ADAMTS20: variants seen among roughly 807,000 people sequenced by gnomAD.
The protein encoded by ADAMTS20 is ADAM metallopeptidase with thrombospondin type 1 motif 20.
In ADAMTS20, 225 loss-of-function variants were observed where a neutral mutation model predicts 260.1. The observed-to-expected ratio is 0.87, with a 90% confidence interval of 0.78 to 0.97. ADAMTS20 has a LOEUF of 0.97. Among genes scored for constraint, ADAMTS20 ranks in the 50% least tolerant of loss-of-function variants. The pLI is 0.00. For missense variants in ADAMTS20, 2,400 were observed against 2,337.7 expected, an observed-to-expected ratio of 1.03 and a Z score of -0.55; for synonymous variants, 802 against 769.5, an observed-to-expected ratio of 1.04 and a Z score of -0.70.
chr12:43,431,741 G>A (rs1344202345), intron 21 of ADAMTS20, among the ~76,000 whole-genome samples: 1 of 152,082 alleles, frequency 6.6e-6, no homozygotes, highest in Non-Finnish European at 1.5e-5. Context: ...CTTAGAATAA[G>A]TATTCATCCC....
chr12:43,432,857 T>C (rs1317777194), intron 19 of ADAMTS20, 46 bp from the exon 20 acceptor site: 4 of 1,478,964 alleles, frequency 2.7e-6, no homozygotes, highest in Non-Finnish European at 3.8e-6. Flanking sequence ...TTACATAATT[T>C]AAAAACAGAT....
At chr12:43,409,245 A>G (rs114921251) in intron 28 of ADAMTS20, among the ~76,000 whole-genome samples, 3,484 of 152,224 alleles carry the variant, frequency 0.023, 56 homozygotes, top group African/African-American at 0.033. Context: ...TATATAGTTT[A>G]AATATTGATA....
At chr12:43,468,508 A>C in intron 8 of ADAMTS20, 92 bp downstream of exon 8, 1 of 793,426 alleles carries the variant, frequency 1.3e-6, no homozygotes. Context: ...GAAGAAACAA[A>C]GGTACTAATT....
intron 7 of ADAMTS20, among the ~76,000 whole-genome samples, chr12:43,486,356 G>A (rs749332201): frequency 2.6e-5 from 4 of 152,054 alleles, no homozygotes; most frequent in Non-Finnish European, 5.9e-5. Context: ...AAATGGTGGT[G>A]GGAAAGTTGG....
chr12:43,362,681 CA>C (rs1171496565), intron 37 of ADAMTS20, among the ~76,000 whole-genome samples: 1 of 151,958 alleles, frequency 6.6e-6, no homozygotes, highest in Non-Finnish European at 1.5e-5. Flanking sequence ...AACATTTATT[CA>C]AGAAAATCTT....
intron 11 of ADAMTS20, among the ~76,000 whole-genome samples, chr12:43,460,490 G>A (rs142956140): frequency 6.6e-6 from 1 of 152,140 alleles, no homozygotes; most frequent in East Asian, 1.9e-4. Flanking sequence ...TCCATTGCTG[G>A]GGGGAGTCTA....
rs1185871055 is a variant in ADAMTS20, at chr12:43,551,305, C to A, written c.92-35G>T. ...CAGCGACAGGACCAGTGAGCTCCCA[C>A]GCGTTCCTCATTGTCCAACTCTAAA... is the stretch of plus-strand genomic sequence containing the variant. On this transcript the variant is annotated intron_variant, in intron 1 of 38. Transcript: ENST00000389420. This position sits in a 1 kb window ranked among gnomAD's most constrained non-coding sequence, Gnocchi z 4.6. 6 of 1,589,024 alleles carry A rather than the reference C, an allele frequency of 3.8e-6. No individual in the cohort carries two copies. Among genetic ancestry groups the A allele is most frequent in the Non-Finnish European group, 5.1e-6 (6 of 1,165,656 alleles).
Position 43,453,856 on chromosome 12 carries a change from T to C in ADAMTS20, c.1760+51A>G, listed in dbSNP as rs1941914059. 3.9e-6 allele frequency: 6 copies of C among 1,548,366 alleles called. No homozygotes were observed. In the South Asian group the frequency reaches 6.0e-5, roughly 15 times the overall value. On this transcript the variant is annotated intron_variant, in intron 12 of 38. Coordinates refer to ENST00000389420, the MANE Select transcript of ADAMTS20 (RefSeq NM_025003.5). ...GAAGTGAGTGAAACTGATGTTTACT[T>C]TCTGGTGCCTTGAGATAATCTTAAT...
chr12:43,465,118 G>A (rs1364313667), intron 9 of ADAMTS20, among the ~76,000 whole-genome samples: 1 of 152,044 alleles, frequency 6.6e-6, no homozygotes, highest in African/African-American at 2.4e-5. Context: ...TAAAATGTTG[G>A]AAAAATAAGT....
At chr12:43,493,809 G>T (rs1460578048) in intron 4 of ADAMTS20, among the ~76,000 whole-genome samples, 1 of 152,068 alleles carries the variant, frequency 6.6e-6, no homozygotes, top group African/African-American at 2.4e-5. Flanking sequence ...TCCAAATATG[G>T]TTATTATTTT....
chr12:43,375,591 T>A, intron 35 of ADAMTS20, 79 bp from the exon 36 acceptor site: 1 of 1,435,046 alleles, frequency 7.0e-7, no homozygotes, highest in Admixed American at 1.9e-5. Context: ...AGTAGAAAAA[T>A]AAAACACACT....
At chr12:43,371,827 A>G (rs1940115128) in intron 36 of ADAMTS20, among the ~76,000 whole-genome samples, 1 of 152,176 alleles carries the variant, frequency 6.6e-6, no homozygotes, top group Admixed American at 6.5e-5. Context: ...GAAATGCACA[A>G]TTTTGTCCAT....
chr12:43,433,860 T>C, intron 19 of ADAMTS20: 1 of 427,326 alleles, frequency 2.3e-6, no homozygotes, highest in East Asian at 6.9e-5. Flanking sequence ...TCAATCAATT[T>C]GATTTCTCCA....
At chr12:43,377,157 A>T (rs976261988) in intron 32 of ADAMTS20, among the ~76,000 whole-genome samples, 1 of 152,212 alleles carries the variant, frequency 6.6e-6, no homozygotes, top group African/African-American at 2.4e-5. Flanking sequence ...AGAAATAAGT[A>T]TGAGTTATGG....
chr12:43,465,624 G>C (rs566939927), intron 9 of ADAMTS20, among the ~76,000 whole-genome samples: 3 of 151,906 alleles, frequency 2.0e-5, no homozygotes, highest in Non-Finnish European at 4.4e-5. Context: ...CCAATTAAAT[G>C]AACATGTAAG....
intron 28 of ADAMTS20, among the ~76,000 whole-genome samples, chr12:43,403,163 T>A (rs1176037149): frequency 2.0e-5 from 3 of 152,114 alleles, no homozygotes; most frequent in African/African-American, 7.2e-5. Context: ...AATAAGTATA[T>A]TTTTATTTTT....
At position 43,486,278 on chromosome 12, in the gene ADAMTS20, C is replaced by G. The variant is rs370853686; in HGVS notation, c.1117+4117G>C. Among the ~76,000 whole-genome samples, 4 of 152,120 alleles carry G rather than the reference C, an allele frequency of 2.6e-5. No homozygotes were observed. The East Asian group carries it at 5.8e-4, about 22-fold the overall frequency. ...GAAGACCCACAAATAAAGCCAAATA[C>G]TTACAACTAACTGATTTTTGACAAA... On this transcript the variant is annotated intron_variant, in intron 7 of 38. Transcript: ENST00000389420.
intron 2 of ADAMTS20, among the ~76,000 whole-genome samples, chr12:43,534,383 G>A (rs1445260414): frequency 1.3e-5 from 2 of 152,148 alleles, no homozygotes; most frequent in Admixed American, 6.5e-5. Flanking sequence ...AAATATGTCA[G>A]TACAATCAGT....
At chr12:43,450,478 G>C (rs1941845113) in intron 14 of ADAMTS20, among the ~76,000 whole-genome samples, 1 of 152,066 alleles carries the variant, frequency 6.6e-6, no homozygotes, top group Admixed American at 6.6e-5. Context: ...ATTGTCATAT[G>C]ACTTTATGCT....
Sources: allele counts gnomAD v4.1 joint callset (sites outside exome capture counted in the v4.1 genomes callset), GRCh38; gene constraint gnomAD v4.1.1; non-coding constraint Gnocchi (gnomAD v3.1); transcripts MANE v1.5; gene names NCBI Gene and HGNC (gene_info 2026-07-23, HGNC 2026-07-21).